The following FNDC3B variants were observed in gnomAD, a reference collection of about 807,000 sequenced individuals.
The protein encoded by FNDC3B is fibronectin type III domain containing 3B, also known as fibronectin type III domain-containing protein 3B.
A neutral mutation model predicts 151.5 loss-of-function variants in FNDC3B; 12 were observed. The observed-to-expected ratio is 0.08, with a 90% CI of 0.05 to 0.13. The LOEUF is 0.13. FNDC3B is among the 10% of genes least tolerant of loss of function. FNDC3B has a pLI of 1.00. For missense variants in FNDC3B, 1,214 were observed against 1,505.3 expected, an observed-to-expected ratio of 0.81 and a Z score of 3.20; for synonymous variants, 528 against 549.0, an observed-to-expected ratio of 0.96 and a Z score of 0.54.
At chr3:172,276,575 G>T (rs1405118466) in intron 6 of FNDC3B, among the ~76,000 whole-genome samples, 1 of 152,136 alleles carries the variant, frequency 6.6e-6, no homozygotes, top group Non-Finnish European at 1.5e-5. Flanking sequence ...TCAGGTAAAA[G>T]GGCATAATGT....
intron 3 of FNDC3B, among the ~76,000 whole-genome samples, chr3:172,182,161 G>T (rs1033206081): frequency 2.0e-5 from 3 of 152,174 alleles, no homozygotes; most frequent in Non-Finnish European, 4.4e-5. Context: ...AGCAAGGTAA[G>T]TTGGGAGAAA....
At chr3:172,335,679 T>C (rs929127051) in intron 15 of FNDC3B, 1 of 152,194 alleles carries the variant, frequency 6.6e-6, no homozygotes, top group Non-Finnish European at 1.5e-5. Context: ...CAAAAGGATA[T>C]TGTGCCTCAC....
At chr3:172,255,419 C>A (rs1159560388) in intron 6 of FNDC3B, among the ~76,000 whole-genome samples, 1 of 152,192 alleles carries the variant, frequency 6.6e-6, no homozygotes, top group Admixed American at 6.5e-5. Context: ...CAGGCGCACA[C>A]CACCATGCTT....
chr3:172,210,419 A>G (rs1725678687), intron 3 of FNDC3B, among the ~76,000 whole-genome samples: 3 of 152,104 alleles, frequency 2.0e-5, no homozygotes. Flanking sequence ...GCAAAATCAT[A>G]GTCCTGGGCC....
At chr3:172,155,885 C>T (rs1284208966) in intron 3 of FNDC3B, among the ~76,000 whole-genome samples, 4 of 152,028 alleles carry the variant, frequency 2.6e-5, no homozygotes, top group Non-Finnish European at 4.4e-5. Context: ...GTACTTGGTC[C>T]GGGACTAGAA....
At chr3:172,180,055 CTCT>C (rs1378835187) in intron 3 of FNDC3B, among the ~76,000 whole-genome samples, 4 of 152,158 alleles carry the variant, frequency 2.6e-5, no homozygotes, top group East Asian at 1.9e-4. Context: ...ACAAACATTT[CTCT>C]TCTTCTCTTC....
chr3:172,386,130 C>T (rs1229910145), intron 25 of FNDC3B, among the ~76,000 whole-genome samples: 1 of 152,156 alleles, frequency 6.6e-6, no homozygotes, highest in Non-Finnish European at 1.5e-5. Flanking sequence ...CCAAGCACAG[C>T]TTTTTTTCCA....
At chr3:172,137,915 A>G (rs1721451714) in intron 3 of FNDC3B, among the ~76,000 whole-genome samples, 1 of 152,200 alleles carries the variant, frequency 6.6e-6, no homozygotes, top group Non-Finnish European at 1.5e-5. Context: ...ATTGTTAGGA[A>G]AAAAGAATCT....
rs772317211 is a variant in FNDC3B at position 172,247,763 on chromosome 3, A to G, written c.495A>G (p.Ile165Met). The change falls in exon 5 of 26, where the codon ATA becomes ATG. Residue 165 changes from isoleucine to methionine, a missense_variant. Around this residue, in one of 7 missense-constraint regions of FNDC3B, gnomAD observed 166 missense variants for 173.2 expected, o/e 0.96. Transcript: ENST00000415807. ...FFPQHHLPHT[I>M]YGEQEIIPFY... ...CCCAGCATCATCTTCCCCACACAAT[A>G]TATGGTGAGCAAGGTGAGTAGATTT... The G allele has an allele frequency of 6.2e-7, 1 of 1,614,070 alleles. No individual in the cohort carries two copies. Among genetic ancestry groups the G allele is most frequent in the Non-Finnish European group, 8.5e-7 (1 of 1,179,996 alleles).
In FNDC3B at chr3:172,399,894, T is replaced by C. The variant is rs1736491403; in HGVS notation, c.*2419T>C. 6.6e-6 allele frequency: 1 copy of C among 152,654 alleles called. No individual in the cohort carries two copies. Among genetic ancestry groups the C allele is most frequent in the African/African-American group, 2.4e-5 (1 of 41,462 alleles). 9.5% of individuals were successfully genotyped at this position (152,654 alleles called of 1,614,324 possible). A position where few individuals can be genotyped will look rare whatever the true frequency, so the allele number is the denominator to read the frequency against. ...AAATTTATATGAATATTTGATCTTC[T>C]TGAGATTTTCATACTATCATTTAAC... On this transcript the variant is annotated 3_prime_UTR_variant, in exon 26 of 26. Transcript: ENST00000415807.
chr3:172,219,057 G>C (rs1405005309), intron 3 of FNDC3B, among the ~76,000 whole-genome samples: 3 of 152,158 alleles, frequency 2.0e-5, no homozygotes, highest in African/African-American at 7.2e-5. Context: ...GCTCTTTCCT[G>C]GGCTGGTCAG....
intron 1 of FNDC3B, among the ~76,000 whole-genome samples, chr3:172,045,452 G>A (rs1355795862): frequency 1.3e-5 from 2 of 152,116 alleles, no homozygotes; most frequent in African/African-American, 2.4e-5. Context: ...TTAGAGGAAC[G>A]TTCAGTACTG....
intron 2 of FNDC3B, among the ~76,000 whole-genome samples, chr3:172,131,396 GA>G (rs1236059229): frequency 0.013 from 1,350 of 106,278 alleles, 14 homozygotes; most frequent in African/African-American, 0.038. Context: ...TCCGTCTCAA[GA>G]AAAAAAAAAA....
At chr3:172,058,621 T>C (rs577921017) in intron 1 of FNDC3B, among the ~76,000 whole-genome samples, 1 of 152,304 alleles carries the variant, frequency 6.6e-6, no homozygotes, top group South Asian at 2.1e-4. Context: ...TATCACATTT[T>C]CCCATGAAAT....
intron 13 of FNDC3B, among the ~76,000 whole-genome samples, chr3:172,331,657 G>C (rs1381683454): frequency 6.6e-6 from 1 of 152,132 alleles, no homozygotes; most frequent in East Asian, 1.9e-4. Flanking sequence ...ACCGCACCCA[G>C]CCAGCCTCTA....
rs139712731 is a variant in FNDC3B, at chr3:172,247,706, C to T, written c.438C>T (p.Thr146=). ...ACACGGCTTACTACCCACCTGTTAC[C>T]GGACCTGGAGATATGCCGCCTCAGT... ...NSHTAYYPPV[T]GPGDMPPQFF... The change falls in exon 5 of 26, where the codon ACC becomes ACT. Residue 146 remains threonine, a synonymous_variant. Coordinates refer to ENST00000415807, the MANE Select transcript of FNDC3B (RefSeq NM_022763.4). 3.3e-4 allele frequency: 529 copies of T among 1,614,056 alleles called. No individual in the cohort carries two copies. Among genetic ancestry groups the T allele is most frequent in the African/African-American group, 8.3e-4 (62 of 74,994 alleles).
chr3:172,390,496 C>T (rs1380978450), intron 25 of FNDC3B, among the ~76,000 whole-genome samples: 1 of 150,698 alleles, frequency 6.6e-6, no homozygotes, highest in Non-Finnish European at 1.5e-5. Flanking sequence ...GTTCAAGAGT[C>T]TCTAAACTGG....
intron 3 of FNDC3B, among the ~76,000 whole-genome samples, chr3:172,142,903 G>A (rs1446284489): frequency 6.6e-6 from 1 of 152,172 alleles, no homozygotes; most frequent in African/African-American, 2.4e-5. Context: ...CCTGCTTTCT[G>A]GTTCATAGAT....
chr3:172,329,243 G>A, intron 12 of FNDC3B, 167 bp downstream of exon 12: 1 of 756,464 alleles, frequency 1.3e-6, no homozygotes, highest in South Asian at 2.1e-5. Context: ...CCTTTAAGCT[G>A]GTGAATGTCA....
Sources: gnomAD v4.1 joint callset for allele counts (sites outside exome capture counted in the v4.1 genomes callset) on GRCh38, gnomAD v4.1.1 for gene constraint, gnomAD v4.1.1 regional missense constraint, MANE v1.5 for transcripts, NCBI Gene and HGNC (gene_info 2026-07-23, HGNC 2026-07-21) for gene names.